Variants in ADAMTS19 observed in about 807,000 individuals in gnomAD.
The protein encoded by ADAMTS19 is ADAM metallopeptidase with thrombospondin type 1 motif 19.
A neutral mutation model predicts 153.3 loss-of-function variants in ADAMTS19; 93 were observed. The ratio of observed to expected loss-of-function variants is 0.61; its 90% CI spans 0.51 to 0.72. The LOEUF is 0.72. Among genes scored for constraint, ADAMTS19 ranks in the 30% least tolerant of loss-of-function variants. ADAMTS19 has a pLI of 0.00. For synonymous variants in ADAMTS19, 600 were observed against 556.6 expected (o/e 1.08, Z -1.10); for missense variants, 1,482 against 1,552.1 (o/e 0.95, Z 0.76).
At chr5:129,469,815 T>C (rs1270791652) in intron 2 of ADAMTS19, among the ~76,000 whole-genome samples, 1 of 152,212 alleles carries the variant, frequency 6.6e-6, no homozygotes, top group African/African-American at 2.4e-5. Context: ...TCCTTATTAA[T>C]AAAATAACTG....
intron 6 of ADAMTS19, 119 bp downstream of exon 6, chr5:129,528,796 G>C: frequency 1.3e-6 from 1 of 792,822 alleles, no homozygotes; most frequent in East Asian, 3.3e-5. Flanking sequence ...GAGTGATTTT[G>C]GCATAATGAT....
intron 7 of ADAMTS19, among the ~76,000 whole-genome samples, chr5:129,552,667 C>T (rs1400464980): frequency 6.6e-6 from 1 of 151,774 alleles, no homozygotes; most frequent in Non-Finnish European, 1.5e-5. Flanking sequence ...AGTATTTTAA[C>T]TTGACCATTT....
At chr5:129,704,965 A>C (rs577887329) in intron 21 of ADAMTS19, among the ~76,000 whole-genome samples, 1 of 152,318 alleles carries the variant, frequency 6.6e-6, no homozygotes, top group Admixed American at 6.5e-5. Context: ...AGTTTATATG[A>C]GTAAAGTAGA....
Position 129,720,349 on chromosome 5 carries a change from T to C in ADAMTS19, c.3313-14583T>C, listed in dbSNP as rs191681208. Among the ~76,000 whole-genome samples, 678 of 151,766 alleles carry C rather than the reference T, an allele frequency of 4.5e-3. 5 individuals are homozygous for C. Among genetic ancestry groups the C allele is most frequent in the African/African-American group, 0.016 (649 of 41,394 alleles). On this transcript the variant is annotated intron_variant, in intron 21 of 22. Coordinates refer to ENST00000274487, the MANE Select transcript of ADAMTS19 (RefSeq NM_133638.6). ...ACCACGCCCGGCTGATTTTTCTATT[T>C]TAGTAGAAACAGGGTTTCACCACGT...
intron 6 of ADAMTS19, among the ~76,000 whole-genome samples, chr5:129,543,720 C>A (rs1752747806): frequency 6.6e-6 from 1 of 152,134 alleles, no homozygotes; most frequent in Admixed American, 6.6e-5. Flanking sequence ...GGATAACATG[C>A]AAGCGGGCCT....
intron 15 of ADAMTS19, among the ~76,000 whole-genome samples, chr5:129,659,598 G>A (rs1753736176): frequency 1.3e-5 from 2 of 151,964 alleles, no homozygotes; most frequent in Admixed American, 1.3e-4. Context: ...TTATAGATGT[G>A]CTTTTTGAGA....
intron 6 of ADAMTS19, among the ~76,000 whole-genome samples, chr5:129,534,146 T>C (rs1326869950): frequency 6.6e-6 from 1 of 152,090 alleles, no homozygotes; most frequent in Non-Finnish European, 1.5e-5. Context: ...TTCCTGGATA[T>C]CCTTGTTAAC....
rs1266878814 is a variant in ADAMTS19 at position 129,461,903 on chromosome 5, C to T, written c.747+146C>T. ...AGACTGCACCCCCAGGTGTCTACAT[C>T]GTTTGCCTCCCATGGAACATCTCCA... On this transcript the variant is annotated intron_variant, in intron 2 of 22. Transcript: ENST00000274487. The surrounding 1 kb of genome is among the most constrained non-coding windows in gnomAD (Gnocchi z 4.6). 1.6e-6 allele frequency: 2 copies of T among 1,214,920 alleles called. No individual in the cohort carries two copies. The highest frequency in any genetic ancestry group is 5.7e-5 in the East Asian group (2 of 35,076). The allele number at this position is 1,214,920 out of a possible 1,614,324, so 75.3% of individuals were successfully genotyped here.
At chr5:129,611,519 T>C (rs966796588) in intron 8 of ADAMTS19, among the ~76,000 whole-genome samples, 12 of 152,196 alleles carry the variant, frequency 7.9e-5, no homozygotes, top group African/African-American at 2.9e-4. Context: ...CTAGCCAGTT[T>C]TCCCAGCACC....
chr5:129,617,724 C>T (rs1012339247), intron 8 of ADAMTS19, among the ~76,000 whole-genome samples: 5 of 151,996 alleles, frequency 3.3e-5, no homozygotes, highest in African/African-American at 4.8e-5. Context: ...GCCACTTTTA[C>T]TGATTTGTGA....
chr5:129,658,969 G>A (rs990017413), intron 15 of ADAMTS19, among the ~76,000 whole-genome samples: 2 of 152,162 alleles, frequency 1.3e-5, no homozygotes, highest in South Asian at 4.2e-4. Flanking sequence ...TAATAAGTTG[G>A]AACAGCAAGG....
intron 7 of ADAMTS19, among the ~76,000 whole-genome samples, chr5:129,588,241 G>A (rs886825383): frequency 9.2e-5 from 14 of 152,162 alleles, no homozygotes; most frequent in Non-Finnish European, 1.6e-4. Context: ...GGAGGAAGAA[G>A]AGAGGGAGGA....
chr5:129,694,373 G>T (rs957846555), intron 18 of ADAMTS19, among the ~76,000 whole-genome samples: 1 of 152,048 alleles, frequency 6.6e-6, no homozygotes, highest in African/African-American at 2.4e-5. Flanking sequence ...GAAGAAATAA[G>T]ACCTGGTGTT....
rs1753694405 is a variant in ADAMTS19 at position 129,658,633 on chromosome 5, G to C, written c.2321G>C (p.Gly774Ala). ...NGRCQKVGCD[G>A]LLGSLAREDH... ...TTGTTACAGAAAGTTGGCTGTGATG[G>C]TTTATTAGGGTCTCTTGCAAGAGAA... The change falls in exon 15 of 23, where the codon GGT (glycine) becomes GCT (alanine). Residue 774 changes from glycine to alanine, a missense_variant. Physicochemically the swap from Gly to Ala is moderately conservative, Grantham distance 60 (BLOSUM62 0). Coordinates refer to ENST00000274487, the MANE Select transcript of ADAMTS19 (RefSeq NM_133638.6). 3.7e-6 allele frequency: 6 copies of C among 1,612,218 alleles called. No homozygotes were observed. The highest frequency in any genetic ancestry group is 3.4e-6 in the Non-Finnish European group (4 of 1,179,322).
At chr5:129,576,586 C>CTTT (rs79974624) in intron 7 of ADAMTS19, among the ~76,000 whole-genome samples, 1 of 140,724 alleles carries the variant, frequency 7.1e-6, no homozygotes, top group Non-Finnish European at 1.6e-5. Flanking sequence ...TTGCTTTATT[C>CTTT]TTTTTTTTTT....
intron 6 of ADAMTS19, among the ~76,000 whole-genome samples, chr5:129,534,883 T>C (rs1053289842): frequency 6.6e-6 from 1 of 152,168 alleles, no homozygotes; most frequent in African/African-American, 2.4e-5. Context: ...ACCTTCATGC[T>C]AAAAACTCTT....
chr5:129,477,820 C>T (rs1750273948), intron 2 of ADAMTS19, among the ~76,000 whole-genome samples: 1 of 152,140 alleles, frequency 6.6e-6, no homozygotes. Flanking sequence ...TAAGAAAATA[C>T]ATCAGACTCT....
chr5:129,557,254 A>C (rs938283579), intron 7 of ADAMTS19, among the ~76,000 whole-genome samples: 4 of 152,196 alleles, frequency 2.6e-5, no homozygotes, highest in Non-Finnish European at 5.9e-5. Context: ...TTAGCCAAAA[A>C]GAAGCCTATC....
At chr5:129,706,617 T>G (rs1039876957) in intron 21 of ADAMTS19, among the ~76,000 whole-genome samples, 2 of 150,722 alleles carry the variant, frequency 1.3e-5, no homozygotes, top group Non-Finnish European at 3.0e-5. Flanking sequence ...AACCTCCAAC[T>G]AACTATAAAA....
Sources: gnomAD v4.1 joint callset for allele counts (sites outside exome capture counted in the v4.1 genomes callset) on GRCh38, gnomAD v4.1.1 for gene constraint, Gnocchi (gnomAD v3.1) non-coding constraint, MANE v1.5 for transcripts, NCBI Gene and HGNC (gene_info 2026-07-23, HGNC 2026-07-21) for gene names.